SGMS1: variants seen among roughly 807,000 people sequenced by gnomAD.
SGMS1 encodes sphingomyelin synthase 1.
SGMS1 carries 13 observed loss-of-function variants against 46.2 expected under a neutral mutation model. The observed-to-expected ratio is 0.28, with a 90% confidence interval of 0.18 to 0.45. The LOEUF is 0.45. SGMS1 is among the 20% of genes least tolerant of loss of function. The pLI is 1.00. For synonymous variants in SGMS1, 203 were observed against 187.8 expected, an observed-to-expected ratio of 1.08 and a Z score of -0.66; for missense variants, 324 against 519.9, an observed-to-expected ratio of 0.62 and a Z score of 3.66.
Position 50,462,979 on chromosome 10 carries a change from TA to T in SGMS1, c.-454-2166del, listed in dbSNP as rs1213080843. On this transcript the variant is annotated intron_variant, in intron 4 of 10. Coordinates refer to ENST00000361781, the MANE Select transcript of SGMS1 (RefSeq NM_147156.4). ...AAGATGGGGGTGGTGAAGTGTGTAT[TA>T]AAAAAAAAGACCCTTACCCCACACC... Among the ~76,000 whole-genome samples, 9 of 149,426 alleles carry T rather than the reference TA, an allele frequency of 6.0e-5. No homozygotes were observed. The South Asian group carries it at 1.5e-3, about 25-fold the overall frequency.
chr10:50,555,747 C>A (rs760965840), intron 2 of SGMS1, among the ~76,000 whole-genome samples: 6 of 152,186 alleles, frequency 3.9e-5, no homozygotes, highest in Non-Finnish European at 7.3e-5. Flanking sequence ...AGCCTTCCTG[C>A]ATGGCTAGCT....
intron 1 of SGMS1, among the ~76,000 whole-genome samples, chr10:50,619,653 G>T (rs1416081575): frequency 1.3e-5 from 2 of 152,148 alleles, no homozygotes; most frequent in East Asian, 3.8e-4. Flanking sequence ...TCAGCACCAG[G>T]AGTCTAAAAG....
At chr10:50,550,445 T>A (rs1290098794) in intron 2 of SGMS1, among the ~76,000 whole-genome samples, 1 of 152,172 alleles carries the variant, frequency 6.6e-6, no homozygotes, top group Non-Finnish European at 1.5e-5. Flanking sequence ...TTATCAGCCC[T>A]ACAATACACC....
chr10:50,389,189 A>C (rs1323223970), intron 6 of SGMS1, among the ~76,000 whole-genome samples: 3 of 152,194 alleles, frequency 2.0e-5, no homozygotes, highest in Non-Finnish European at 4.4e-5. Flanking sequence ...TAGAGGTCAA[A>C]AACAGCCACC....
chr10:50,551,624 T>C (rs754530996), intron 2 of SGMS1, among the ~76,000 whole-genome samples: 4 of 152,110 alleles, frequency 2.6e-5, no homozygotes, highest in Non-Finnish European at 4.4e-5. Flanking sequence ...TCTGGGAATA[T>C]GAGAACTCTG....
chr10:50,478,507 C>CA (rs1217511608), intron 3 of SGMS1, among the ~76,000 whole-genome samples: 1 of 151,680 alleles, frequency 6.6e-6, no homozygotes, highest in African/African-American at 2.4e-5. Flanking sequence ...TAGACATTAA[C>CA]AAAAAAAATA....
At chr10:50,576,967 T>C (rs1838390881) in intron 2 of SGMS1, among the ~76,000 whole-genome samples, 1 of 152,244 alleles carries the variant, frequency 6.6e-6, no homozygotes, top group Admixed American at 6.5e-5. Flanking sequence ...CTATAAATAC[T>C]GCATAGAGCT....
intron 2 of SGMS1, among the ~76,000 whole-genome samples, chr10:50,541,376 G>A (rs1838050728): frequency 6.6e-6 from 1 of 152,098 alleles, no homozygotes; most frequent in African/African-American, 2.4e-5. Flanking sequence ...TGTTTCTTAA[G>A]GAGTACTGTA....
At chr10:50,373,233 C>A (rs1051327742) in intron 6 of SGMS1, among the ~76,000 whole-genome samples, 9 of 152,168 alleles carry the variant, frequency 5.9e-5, no homozygotes, top group African/African-American at 1.9e-4. Context: ...GTATGAGCAA[C>A]TGAGACACTG....
intron 8 of SGMS1, among the ~76,000 whole-genome samples, chr10:50,317,893 TC>T (rs1408191181): frequency 6.8e-6 from 1 of 147,522 alleles, no homozygotes; most frequent in African/African-American, 2.5e-5. Flanking sequence ...AACCTCCACC[TC>T]CTGGGTTCAA....
At chr10:50,619,109 G>C in intron 1 of SGMS1, among the ~76,000 whole-genome samples, 1 of 135,610 alleles carries the variant, frequency 7.4e-6, no homozygotes, top group East Asian at 4.8e-4. Flanking sequence ...CACCTGCCTG[G>C]GCGACAGACC....
At chr10:50,349,934 T>C (rs1847978009) in intron 6 of SGMS1, among the ~76,000 whole-genome samples, 1 of 152,130 alleles carries the variant, frequency 6.6e-6, no homozygotes, top group East Asian at 1.9e-4. Context: ...TGAAAAGATA[T>C]CTGAAAATGT....
At chr10:50,513,410 C>T (rs1780356531) in intron 3 of SGMS1, among the ~76,000 whole-genome samples, 1 of 152,132 alleles carries the variant, frequency 6.6e-6, no homozygotes, top group South Asian at 2.1e-4. Context: ...CCCCTTCCCC[C>T]TAGGAGTCTT....
intron 3 of SGMS1, among the ~76,000 whole-genome samples, chr10:50,499,090 A>G (rs1295509350): frequency 6.6e-6 from 1 of 152,212 alleles, no homozygotes; most frequent in East Asian, 1.9e-4. Flanking sequence ...TTGGCTAAGA[A>G]TATTAGAAAA....
intron 3 of SGMS1, among the ~76,000 whole-genome samples, chr10:50,510,467 G>A (rs903099909): frequency 6.6e-6 from 1 of 152,176 alleles, no homozygotes; most frequent in African/African-American, 2.4e-5. Flanking sequence ...ATTTTCCAAA[G>A]TGGCTATATC....
At chr10:50,617,722 T>C (rs1045762101) in intron 1 of SGMS1, among the ~76,000 whole-genome samples, 1 of 150,274 alleles carries the variant, frequency 6.7e-6, no homozygotes, top group Non-Finnish European at 1.5e-5. Flanking sequence ...GCTAGGACTA[T>C]ACCAATTAGC....
At chr10:50,604,193 A>C (rs2131915649) in intron 1 of SGMS1, among the ~76,000 whole-genome samples, 1 of 152,168 alleles carries the variant, frequency 6.6e-6, no homozygotes, top group South Asian at 2.1e-4. Context: ...AAAACCACAT[A>C]ATCAGAGCCC....
At chr10:50,540,702 G>A (rs1019985019) in intron 2 of SGMS1, among the ~76,000 whole-genome samples, 5 of 152,232 alleles carry the variant, frequency 3.3e-5, no homozygotes, top group Admixed American at 2.6e-4. Flanking sequence ...GGAACACGGA[G>A]GGCTGGGGAT....
chr10:50,410,910 A>G (rs1026692531), intron 6 of SGMS1, among the ~76,000 whole-genome samples: 15 of 152,208 alleles, frequency 9.9e-5, no homozygotes, highest in African/African-American at 3.6e-4. Context: ...ATAACATGTT[A>G]GTTCCTTTAA....
Sources: gnomAD v4.1 joint callset for allele counts (sites outside exome capture counted in the v4.1 genomes callset) on GRCh38, gnomAD v4.1.1 for gene constraint, MANE v1.5 for transcripts, NCBI Gene and HGNC (gene_info 2026-07-23, HGNC 2026-07-21) for gene names.